AADAT: variants seen among roughly 807,000 people sequenced by gnomAD.
The protein encoded by AADAT is aminoadipate aminotransferase, also known as kynurenine/alpha-aminoadipate aminotransferase, mitochondrial.
Under a neutral mutation model 56.2 loss-of-function variants are expected in AADAT, and 25 were observed. The observed-to-expected ratio is 0.44, with a 90% CI of 0.32 to 0.62. The LOEUF is 0.62. Among genes scored for constraint, AADAT ranks in the 20% least tolerant of loss-of-function variants. The pLI is 0.04. For synonymous variants in AADAT, 173 were observed against 164.7 expected, an observed-to-expected ratio of 1.05 and a Z score of -0.39; for missense variants, 387 against 510.5, an observed-to-expected ratio of 0.76 and a Z score of 2.33.
intron 1 of AADAT, among the ~76,000 whole-genome samples, 181 bp from the exon 2 acceptor site, chr4:170,088,745 G>GT (rs1035300336): frequency 3.5e-4 from 54 of 152,290 alleles, no homozygotes; most frequent in African/African-American, 1.2e-3. Context: ...TAATGTGATA[G>GT]TTTTAACAGG....
intron 9 of AADAT, 88 bp downstream of exon 9, chr4:170,067,239 G>C: frequency 1.0e-6 from 1 of 969,608 alleles, no homozygotes; most frequent in Non-Finnish European, 1.6e-6. Flanking sequence ...ACTTAGGAAG[G>C]AAGAATAAAT....
chr4:170,072,857 T>A (rs1731841955), intron 5 of AADAT, among the ~76,000 whole-genome samples: 1 of 152,092 alleles, frequency 6.6e-6, no homozygotes, highest in African/African-American at 2.4e-5. Flanking sequence ...GGATAAAATA[T>A]TAAATAATCT....
At chr4:170,087,555 C>T (rs747478964) in intron 2 of AADAT, among the ~76,000 whole-genome samples, 7 of 152,106 alleles carry the variant, frequency 4.6e-5, no homozygotes, top group African/African-American at 9.7e-5. Context: ...GTTGCATAAT[C>T]GATTCTTTGT....
At position 170,086,195 on chromosome 4, in the gene AADAT, G is replaced by A. The variant is rs138873484; in HGVS notation, c.369+921C>T. On this transcript the variant is annotated intron_variant, in intron 3 of 12. Transcript: ENST00000337664. ...AGGGAGGTCGAGACTGCAGGGAGCC[G>A]TGATTGCGCCACCGCACTCCAGTCT... Among the ~76,000 whole-genome samples, 332 of 151,894 alleles carry A rather than the reference G, an allele frequency of 2.2e-3. 1 individual carries two copies. The highest frequency in any genetic ancestry group is 0.01 in the Middle Eastern group (3 of 292).
upstream of AADAT, among the ~76,000 whole-genome samples, chr4:170,093,437 ACT>A (rs1389918347): frequency 5.9e-5 from 9 of 151,952 alleles, no homozygotes; most frequent in African/African-American, 1.9e-4. Flanking sequence ...ATAGAGCGAG[ACT>A]CTGTCTCAAT....
chr4:170,071,755 C>T (rs1019715337), intron 5 of AADAT, among the ~76,000 whole-genome samples: 5 of 151,866 alleles, frequency 3.3e-5, no homozygotes, highest in Admixed American at 6.6e-5. Flanking sequence ...GGCAGGGGCT[C>T]AGAAGATGGG....
chr4:170,087,203 C>T lies in AADAT; in HGVS notation c.282G>A (p.Leu94=), dbSNP rs145084446. 1.5e-4 allele frequency: 245 copies of T among 1,614,024 alleles called. No homozygotes were observed. The African/African-American group carries it at 3.0e-3, about 20-fold the overall frequency. Reference sequence around the variant, plus strand: ...GGTAATGGATGGTAGGAGGATTATGCAATTTTATTTGTAACTGTTTTAGCC... The same window carrying T: ...GGTAATGGATGGTAGGAGGATTATGTAATTTTATTTGTAACTGTTTTAGCC... ...LSWLKQLQIK[L]HNPPTIHYPP... is the part of the protein sequence containing the mutation. The change falls in exon 3 of 13, where the codon TTG becomes TTA. Residue 94 remains leucine, a synonymous_variant. Coordinates refer to ENST00000337664, the MANE Select transcript of AADAT (RefSeq NM_016228.4).
chr4:170,089,724 C>A lies in AADAT; in HGVS notation c.-34G>T. 1.2e-6 allele frequency: 2 copies of A among 1,612,094 alleles called. No homozygotes were observed. The highest frequency in any genetic ancestry group is 1.1e-5 in the South Asian group (1 of 90,964). On this transcript the variant is annotated 5_prime_UTR_variant, in exon 1 of 13. Transcript: ENST00000337664. Reference sequence around the variant, plus strand: ...ACAGCCAAGCATCAAGCTTCTTCTTCAGTGGTTGAGGACTAGAAAAACCAA... The same window carrying A: ...ACAGCCAAGCATCAAGCTTCTTCTTAAGTGGTTGAGGACTAGAAAAACCAA...
At chr4:170,064,481 C>A (rs906328486) in intron 11 of AADAT, among the ~76,000 whole-genome samples, 1 of 152,188 alleles carries the variant, frequency 6.6e-6, no homozygotes, top group Non-Finnish European at 1.5e-5. Flanking sequence ...TCAGCCACTA[C>A]GCTAATCAGT....
In AADAT at chr4:170,078,598, A is replaced by G. The variant is rs766712818; in HGVS notation, c.370-15T>C. The G allele has an allele frequency of 5.7e-6, 9 of 1,586,222 alleles. No individual in the cohort carries two copies. The Admixed American group carries it at 1.5e-4, about 27-fold the overall frequency. ...ATTTCAAACACCTAACAAAAGAAGC[A>G]TAGGTTAGCTTGTTAGTCAGCATAG... On this transcript the variant is annotated splice_polypyrimidine_tract_variant and intron_variant, in intron 3 of 12. Transcript: ENST00000337664.
chr4:170,067,330 T>C lies in AADAT; in HGVS notation c.959A>G (p.Asp320Gly), dbSNP rs781071963. 1 of 1,612,342 alleles carries C rather than the reference T, an allele frequency of 6.2e-7. No homozygotes were observed. Reference protein sequence around the residue: ...WGEEGFMAHVDRVIDFYSNQK... With the variant: ...WGEEGFMAHVGRVIDFYSNQK... ...ATTTAAAGAAATGATACAATACCTG[T>C]CTACATGAGCCATGAAACCTTCTTC... Residue 320 changes from aspartate (D) to glycine (G), a missense_variant, in exon 9 of 13, where the codon GAC becomes GGC. Coordinates refer to ENST00000337664, the MANE Select transcript of AADAT (RefSeq NM_016228.4).
chr4:170,065,584 T>C (rs1157086958), intron 10 of AADAT, among the ~76,000 whole-genome samples: 2 of 151,878 alleles, frequency 1.3e-5, no homozygotes, highest in African/African-American at 4.8e-5. Flanking sequence ...CACTGCCACC[T>C]CTGCCTTCCA....
chr4:170,064,912 G>A, intron 10 of AADAT, 87 bp from the exon 11 acceptor site: 2 of 1,140,804 alleles, frequency 1.8e-6, no homozygotes, highest in Non-Finnish European at 2.5e-6. Context: ...CATAAGTATA[G>A]TAAGTAGAAA....
chr4:170,069,599 G>A (rs11722870), intron 6 of AADAT, among the ~76,000 whole-genome samples: 9,228 of 152,254 alleles, frequency 0.061, 381 homozygotes, highest in Non-Finnish European at 0.092. Context: ...CCATAATGAG[G>A]ATGGCCAGCA....
chr4:170,078,610 G>C, intron 3 of AADAT, 27 bp from the exon 4 acceptor site: 1 of 1,539,742 alleles, frequency 6.5e-7, no homozygotes, highest in Non-Finnish European at 8.9e-7. Context: ...AGGTTAGCTT[G>C]TTAGTCAGCA....
intron 1 of AADAT, 119 bp downstream of exon 1, chr4:170,089,505 C>A: frequency 9.1e-7 from 1 of 1,093,864 alleles, no homozygotes. Context: ...TGGCTCACCG[C>A]GAGCGTGCAC....
Position 170,067,311 on chromosome 4 carries a change from A to G in AADAT, c.962+16T>C. 6.2e-6 allele frequency: 10 copies of G among 1,602,828 alleles called. No individual in the cohort carries two copies. Among genetic ancestry groups the G allele is most frequent in the Non-Finnish European group, 8.5e-6 (10 of 1,171,154 alleles). ...TCCTGTTTTGTTCATAAATATTTAA[A>G]GAAATGATACAATACCTGTCTACAT... On this transcript the variant is annotated intron_variant, in intron 9 of 12. Transcript: ENST00000337664.
At chr4:170,091,308 G>C (rs771411401), upstream of AADAT, among the ~76,000 whole-genome samples, 1 of 152,174 alleles carries the variant, frequency 6.6e-6, no homozygotes, top group Admixed American at 6.5e-5. Context: ...TGGGCTTGGC[G>C]GGCCGGCACT....
intron 5 of AADAT, among the ~76,000 whole-genome samples, chr4:170,071,703 C>T (rs1416901935): frequency 6.6e-6 from 1 of 152,066 alleles, no homozygotes; most frequent in Non-Finnish European, 1.5e-5. Flanking sequence ...CGAAATGCAG[C>T]TGGTGTAGTG....
Sources: allele counts gnomAD v4.1 joint callset (sites outside exome capture counted in the v4.1 genomes callset), GRCh38; gene constraint gnomAD v4.1.1; transcripts MANE v1.5; gene names NCBI Gene and HGNC (gene_info 2026-07-23, HGNC 2026-07-21).